The following OBI1 variants were observed in gnomAD, a reference collection of about 807,000 sequenced individuals.
OBI1 encodes ring finger protein 219.
Under a neutral mutation model 62.4 loss-of-function variants are expected in OBI1, and 59 were observed. The ratio of observed to expected loss-of-function variants is 0.95; its 90% CI spans 0.77 to 1.17. The LOEUF is 1.17. Among genes scored for constraint, OBI1 ranks in the 50% most tolerant of loss-of-function variants. The pLI is 0.00. For missense variants in OBI1, 875 were observed against 830.9 expected (o/e 1.05, Z -0.65); for synonymous variants, 302 against 292.8 (o/e 1.03, Z -0.32).
intron 5 of OBI1, among the ~76,000 whole-genome samples, chr13:78,629,283 A>G (rs1875776263): frequency 6.6e-6 from 1 of 152,132 alleles, no homozygotes. Context: ...ACACAATGAC[A>G]GAACACATAA....
At chr13:78,630,829 T>C (rs978210669) in intron 5 of OBI1, among the ~76,000 whole-genome samples, 1 of 152,190 alleles carries the variant, frequency 6.6e-6, no homozygotes, top group Non-Finnish European at 1.5e-5. Flanking sequence ...TATTTTGTTA[T>C]AGCAGCCCAA....
rs1266166562 is a variant in OBI1, at chr13:78,617,075, T to C, written c.686A>G (p.Tyr229Cys). 6.2e-7 allele frequency: 1 copy of C among 1,604,952 alleles called. No homozygotes were observed. Among genetic ancestry groups the C allele is most frequent in the Non-Finnish European group, 8.5e-7 (1 of 1,176,240 alleles). Residue 229 changes from tyrosine (Y) to cysteine (C), a missense_variant, in exon 6 of 6, where the codon TAT (tyrosine) becomes TGT (cysteine). By Grantham distance (194) the Tyr-to-Cys change is radical (BLOSUM62 -2). Transcript: ENST00000282003. ...VAALQSKVEQ[Y>C]ERETNRLKKA... ...CTTGAGGCGATTGGTTTCACGCTCA[T>C]ACTGTTCTACTTTGGACTGAAGAGC...
chr13:78,645,800 G>C (rs1414081166), intron 1 of OBI1, among the ~76,000 whole-genome samples: 1 of 152,112 alleles, frequency 6.6e-6, no homozygotes, highest in Non-Finnish European at 1.5e-5. Context: ...ACAGGCGCCT[G>C]CCACCACGCC....
At chr13:78,620,793 C>A in intron 5 of OBI1, 1 of 364,422 alleles carries the variant, frequency 2.7e-6, no homozygotes, top group Non-Finnish European at 5.3e-6. Flanking sequence ...TTCTCATAGT[C>A]TATCACACAG....
chr13:78,648,602 T>TA (rs1033132212), intron 1 of OBI1, among the ~76,000 whole-genome samples: 25 of 151,510 alleles, frequency 1.7e-4, no homozygotes, highest in East Asian at 1.6e-3. Flanking sequence ...AATCTTTCCA[T>TA]AAAAAAAACA....
chr13:78,648,653 C>G (rs563537918), intron 1 of OBI1, among the ~76,000 whole-genome samples: 2 of 152,278 alleles, frequency 1.3e-5, no homozygotes, highest in East Asian at 1.9e-4. Context: ...GTGGCTCACT[C>G]CTGTAATTCC....
intron 5 of OBI1, among the ~76,000 whole-genome samples, chr13:78,627,797 C>T (rs987943847): frequency 6.6e-6 from 1 of 152,154 alleles, no homozygotes; most frequent in African/African-American, 2.4e-5. Context: ...CTTTATACGA[C>T]ACATCATGTC....
chr13:78,655,188 G>A (rs1171162374), intron 1 of OBI1, among the ~76,000 whole-genome samples: 1 of 152,136 alleles, frequency 6.6e-6, no homozygotes, highest in Non-Finnish European at 1.5e-5. Context: ...TTCACAGCTT[G>A]AGTCCCAATT....
At chr13:78,619,083 T>G (rs1875422402) in intron 5 of OBI1, among the ~76,000 whole-genome samples, 1 of 152,126 alleles carries the variant, frequency 6.6e-6, no homozygotes, top group Admixed American at 6.5e-5. Context: ...GTAAAATTTT[T>G]TATAATAAAG....
chr13:78,639,969 G>A (rs2137454630), intron 3 of OBI1, among the ~76,000 whole-genome samples: 1 of 151,518 alleles, frequency 6.6e-6, no homozygotes, highest in South Asian at 2.1e-4. Flanking sequence ...ATGTGCACAT[G>A]TACCCTAAAA....
At chr13:78,653,125 A>C (rs1462531410) in intron 1 of OBI1, among the ~76,000 whole-genome samples, 4 of 152,188 alleles carry the variant, frequency 2.6e-5, no homozygotes, top group African/African-American at 9.7e-5. Context: ...TAATATCCAT[A>C]TCATCCTAGA....
intron 5 of OBI1, among the ~76,000 whole-genome samples, chr13:78,626,066 G>A (rs545420441): frequency 6.6e-6 from 1 of 152,298 alleles, no homozygotes; most frequent in South Asian, 2.1e-4. Context: ...GGTAAAGGAA[G>A]GAAAATCTGA....
rs771597406 is a variant in OBI1 at position 78,617,099 on chromosome 13, G to A, written c.662C>T (p.Ala221Val). The change falls in exon 6 of 6, where the codon GCT becomes GTT. Residue 221 changes from alanine to valine, a missense_variant. Transcript: ENST00000282003. ...PQKFGRFAVAALQSKVEQYER... is the reference protein window; with the variant it reads ...PQKFGRFAVAVLQSKVEQYER... Reference sequence around the variant, plus strand: ...ATACTGTTCTACTTTGGACTGAAGAGCAGCAACTGCAAACCTTCCAAACCT... The same window carrying A: ...ATACTGTTCTACTTTGGACTGAAGAACAGCAACTGCAAACCTTCCAAACCT... The A allele has an allele frequency of 9.6e-6, 15 of 1,562,838 alleles. No individual in the cohort carries two copies. The highest frequency in any genetic ancestry group is 1.4e-5 in the African/African-American group (1 of 72,752).
chr13:78,633,364 T>C (rs1875913434), intron 5 of OBI1, among the ~76,000 whole-genome samples: 1 of 152,182 alleles, frequency 6.6e-6, no homozygotes. Context: ...CCTCCAGTAA[T>C]TATGGTTAGC....
At chr13:78,639,943 G>C (rs1157461924) in intron 3 of OBI1, among the ~76,000 whole-genome samples, 1 of 150,890 alleles carries the variant, frequency 6.6e-6, no homozygotes, top group Non-Finnish European at 1.5e-5. Flanking sequence ...GTATACATAG[G>C]TAACTAACCT....
chr13:78,629,212 C>T lies in OBI1; in HGVS notation c.638+5898G>A, dbSNP rs138846730. On this transcript the variant is annotated intron_variant, in intron 5 of 5. Coordinates refer to ENST00000282003, the MANE Select transcript of OBI1 (RefSeq NM_024546.4). ...TCCATAATGACAAGCCTTGGGGTTGCTGTACAGTAAAATGAACTGCACTCA... is the reference window on the plus strand; with the variant it reads ...TCCATAATGACAAGCCTTGGGGTTGTTGTACAGTAAAATGAACTGCACTCA... 2.0e-5 allele frequency among the ~76,000 whole-genome samples: 3 copies of T among 152,176 alleles called. 1 individual carries two copies. The highest frequency in any genetic ancestry group is 3.9e-4 in the East Asian group (2 of 5,134).
At chr13:78,647,228 G>A (rs1876411933) in intron 1 of OBI1, among the ~76,000 whole-genome samples, 1 of 152,238 alleles carries the variant, frequency 6.6e-6, no homozygotes, top group African/African-American at 2.4e-5. Flanking sequence ...AACGGTCTGT[G>A]CTGAGGAGGA....
chr13:78,659,009 C>T (rs755973429), intron 1 of OBI1, 40 bp downstream of exon 1: 7 of 1,589,892 alleles, frequency 4.4e-6, no homozygotes, highest in African/African-American at 4.0e-5. Flanking sequence ...AGCGACTTAT[C>T]CAACCCCGTT....
intron 1 of OBI1, among the ~76,000 whole-genome samples, chr13:78,650,063 G>T (rs747387578): frequency 2.2e-4 from 34 of 152,276 alleles, no homozygotes; most frequent in South Asian, 6.2e-4. Context: ...CCTTTTCCAG[G>T]TCTGTGGTTT....
Sources: gnomAD v4.1 joint callset for allele counts (sites outside exome capture counted in the v4.1 genomes callset) on GRCh38, gnomAD v4.1.1 for gene constraint, MANE v1.5 for transcripts, NCBI Gene and HGNC (gene_info 2026-07-23, HGNC 2026-07-21) for gene names.